The following KIR3DL3 variants were observed in gnomAD, a reference collection of about 807,000 sequenced individuals.
The protein encoded by KIR3DL3 is killer cell immunoglobulin like receptor, three Ig domains and long cytoplasmic tail 3, also known as killer cell immunoglobulin-like receptor 3DL3.
Under a neutral mutation model 34.9 loss-of-function variants are expected in KIR3DL3, and 27 were observed. The observed-to-expected ratio is 0.77, with a 90% CI of 0.57 to 1.07. KIR3DL3 has a LOEUF of 1.07. KIR3DL3 is among the 50% of genes least tolerant of loss of function. The probability of loss-of-function intolerance (pLI) is 0.00; values close to 1 mark genes in which losing one functional copy is unlikely to be tolerated. For synonymous variants in KIR3DL3, 217 were observed against 200.2 expected, an observed-to-expected ratio of 1.08 and a Z score of -0.71; for missense variants, 681 against 528.5, an observed-to-expected ratio of 1.29 and a Z score of -2.83.
Position 54,727,893 on chromosome 19 carries a change from T to G in KIR3DL3, c.638T>G (p.Leu213Arg). The change falls in exon 4 of 8, where the codon CTG becomes CGG. Residue 213 changes from leucine (L) to arginine (R), a missense_variant. Physicochemically the swap from Leu to Arg is moderately radical, Grantham distance 102 (BLOSUM62 -2). Transcript: ENST00000291860. Reference sequence around the variant, plus strand: ...GAGTTGTCGGCTCCCAGTGACCCTCTGGACATCGTGGTCGTAGGTGAGAGA... The same window carrying G: ...GAGTTGTCGGCTCCCAGTGACCCTCGGGACATCGTGGTCGTAGGTGAGAGA... ...PYELSAPSDPLDIVVVGLYGK... is the reference protein window; with the variant it reads ...PYELSAPSDPRDIVVVGLYGK... The G allele has an allele frequency of 6.2e-7, 1 of 1,611,280 alleles. No individual in the cohort carries two copies. The highest frequency in any genetic ancestry group is 8.5e-7 in the Non-Finnish European group (1 of 1,177,948).
At position 54,727,748 on chromosome 19, in the gene KIR3DL3, T is replaced by C. The variant is rs760317036; in HGVS notation, c.493T>C (p.Leu165=). ...LHREGITEDP[L]RLVGQLHDAG... ...CAGAGAGGGGATCACTGAGGACCCCTTGCGCCTCGTTGGACAGCTCCACGA... is the reference window on the plus strand; with the variant it reads ...CAGAGAGGGGATCACTGAGGACCCCCTGCGCCTCGTTGGACAGCTCCACGA... Residue 165 remains leucine (L), a synonymous_variant, in exon 4 of 8, where the codon TTG becomes CTG. Coordinates refer to ENST00000291860, the MANE Select transcript of KIR3DL3 (RefSeq NM_153443.5). The C allele has an allele frequency of 1.1e-4, 183 of 1,612,856 alleles. No individual in the cohort carries two copies. The highest frequency in any genetic ancestry group is 1.5e-4 in the Non-Finnish European group (173 of 1,179,734).
intron 5 of KIR3DL3, among the ~76,000 whole-genome samples, chr19:54,734,863 G>T (rs1162735892): frequency 2.4e-5 from 3 of 125,490 alleles, no homozygotes; most frequent in African/African-American, 9.6e-5. Flanking sequence ...GAGCGATGGA[G>T]CTTCCAAGCT....
chr19:54,725,734 G>A (rs1411330226), intron 2 of KIR3DL3, among the ~76,000 whole-genome samples: 1 of 152,136 alleles, frequency 6.6e-6, no homozygotes, highest in African/African-American at 2.4e-5. Context: ...TTCTAATAGG[G>A]GCTCAGTTGT....
At chr19:54,735,788 C>G (rs756500958) in intron 6 of KIR3DL3, 32 bp from the exon 7 acceptor site, 3 of 1,606,696 alleles carry the variant, frequency 1.9e-6, no homozygotes, top group Admixed American at 1.7e-5. Flanking sequence ...AAGTGCCCTC[C>G]GAGCTGTTTT....
Position 54,735,800 on chromosome 19 carries a change from A to G in KIR3DL3, c.1055-20A>G. 1 of 1,606,390 alleles carries G rather than the reference A, an allele frequency of 6.2e-7. No individual in the cohort carries two copies. The highest frequency in any genetic ancestry group is 8.5e-7 in the Non-Finnish European group (1 of 1,177,594). On this transcript the variant is annotated intron_variant, in intron 6 of 7. Coordinates refer to ENST00000291860, the MANE Select transcript of KIR3DL3 (RefSeq NM_153443.5). ...CAGAAGTGCCCTCCGAGCTGTTTTG[A>G]CGACTTCCGTCTTCTACAGATGCTG...
Position 54,724,642 on chromosome 19 carries a change from G to A in KIR3DL3, c.34+112G>A, listed in dbSNP as rs1568801245. 5 of 1,561,634 alleles carry A rather than the reference G, an allele frequency of 3.2e-6. No homozygotes were observed. In the South Asian group the frequency reaches 3.4e-5, roughly 10 times the overall value. On this transcript the variant is annotated intron_variant, in intron 1 of 7. Transcript: ENST00000291860. ...GGGCCTGGAGTGGAGATATAGGCCT[G>A]GAGTGGAGATATGGGCCTGGGGTGG...
At chr19:54,724,569 G>A (rs2067903661) in intron 1 of KIR3DL3, 39 bp downstream of exon 1, 4 of 835,574 alleles carry the variant, frequency 4.8e-6, no homozygotes, top group East Asian at 6.9e-5. Context: ...GAGCGCTGGG[G>A]TGGAGATCTG....
chr19:54,729,740 C>T lies in KIR3DL3; in HGVS notation c.903C>T (p.Pro301=). The change falls in exon 5 of 8, where the codon CCC becomes CCT. Residue 301 remains proline (P), a synonymous_variant. Transcript: ENST00000291860. ...YRCFGSFRAL[P]HAWSDPSDPL... ...GCTTCGGCTCTTTCCGTGCCCTGCC[C>T]CATGCGTGGTCAGACCCGAGTGACC... 3 of 1,587,012 alleles carry T rather than the reference C, an allele frequency of 1.9e-6. No homozygotes were observed. The highest frequency in any genetic ancestry group is 2.6e-6 in the Non-Finnish European group (3 of 1,170,524).
At chr19:54,730,364 G>A (rs1445846470) in intron 5 of KIR3DL3, among the ~76,000 whole-genome samples, 7 of 149,570 alleles carry the variant, frequency 4.7e-5, no homozygotes, top group African/African-American at 1.7e-4. Flanking sequence ...GACCACCCTG[G>A]CCAACATGGG....
rs113225082 is a variant in KIR3DL3, at chr19:54,735,362, G to A, written c.1054+5G>A. ...GCTGGTGTGCCAACAAAAAGAGTAA[G>A]TCTCACGAAGCAGAAGCCAGAGAGC... On this transcript the variant is annotated splice_donor_5th_base_variant and intron_variant, in intron 6 of 7. Coordinates refer to ENST00000291860, the MANE Select transcript of KIR3DL3 (RefSeq NM_153443.5). 6.2e-6 allele frequency: 8 copies of A among 1,298,354 alleles called. No homozygotes were observed. The South Asian group carries it at 8.4e-5, about 14-fold the overall frequency. 80.4% of individuals were successfully genotyped at this position (1,298,354 alleles called of 1,614,324 possible). A position where few individuals can be genotyped will look rare whatever the true frequency, so the allele number is the denominator to read the frequency against.
intron 5 of KIR3DL3, 58 bp downstream of exon 5, chr19:54,729,844 C>T: frequency 4.6e-6 from 7 of 1,510,452 alleles, no homozygotes; most frequent in Non-Finnish European, 6.2e-6. Context: ...AGCTGAGGAG[C>T]TTCCTGCTGA....
intron 5 of KIR3DL3, among the ~76,000 whole-genome samples, chr19:54,732,138 G>T (rs1372087908): frequency 6.6e-6 from 1 of 152,170 alleles, no homozygotes; most frequent in Non-Finnish European, 1.5e-5. Context: ...TGATATTGCA[G>T]ATGGGTAAAT....
rs1208648155 is a variant in KIR3DL3, at chr19:54,734,747, C to T, written c.950-506C>T. ...GGAAGCATGGCACCAGCATCTATTT[C>T]TTGTGACGGCCTCAGGCTGCTCCCA... On this transcript the variant is annotated intron_variant, in intron 5 of 7. Coordinates refer to ENST00000291860, the MANE Select transcript of KIR3DL3 (RefSeq NM_153443.5). 2.7e-5 allele frequency among the ~76,000 whole-genome samples: 4 copies of T among 146,968 alleles called. No homozygotes were observed. The East Asian group carries it at 7.8e-4, about 29-fold the overall frequency.
chr19:54,734,681 GAC>G (rs1403778581), intron 5 of KIR3DL3, among the ~76,000 whole-genome samples: 1 of 100,710 alleles, frequency 9.9e-6, no homozygotes, highest in Non-Finnish European at 2.3e-5. Flanking sequence ...AACTTCTAAA[GAC>G]AAGAAATGTG....
intron 5 of KIR3DL3, among the ~76,000 whole-genome samples, chr19:54,731,301 C>A (rs1247911671): frequency 3.9e-5 from 6 of 151,936 alleles, no homozygotes; most frequent in Admixed American, 3.9e-4. Context: ...CCACTGTGCC[C>A]GACCTCATTT....
At chr19:54,726,018 C>T (rs1188635084) in intron 2 of KIR3DL3, 35 bp from the exon 3 acceptor site, 132 of 1,499,340 alleles carry the variant, frequency 8.8e-5, no homozygotes, top group Middle Eastern at 5.4e-4. Context: ...GGCTCCACAT[C>T]CTCCTCTCTA....
chr19:54,733,672 T>C (rs2069087366), intron 5 of KIR3DL3, among the ~76,000 whole-genome samples: 1 of 152,252 alleles, frequency 6.6e-6, no homozygotes, highest in Non-Finnish European at 1.5e-5. Context: ...CTTCCTTATT[T>C]GGCTTTCTGT....
intron 2 of KIR3DL3, among the ~76,000 whole-genome samples, chr19:54,725,549 T>C (rs2068072349): frequency 1.3e-5 from 2 of 152,016 alleles, no homozygotes; most frequent in African/African-American, 4.8e-5. Context: ...AGGGAGGAAG[T>C]GGTGTCACCG....
intron 3 of KIR3DL3, among the ~76,000 whole-genome samples, chr19:54,727,135 C>A (rs2068269719): frequency 7.3e-6 from 1 of 136,334 alleles, no homozygotes; most frequent in East Asian, 2.1e-4. Context: ...CCTATGGAAG[C>A]TGGGGCCATG....
Sources: allele counts gnomAD v4.1 joint callset (sites outside exome capture counted in the v4.1 genomes callset), GRCh38; gene constraint gnomAD v4.1.1; transcripts MANE v1.5; gene names NCBI Gene and HGNC (gene_info 2026-07-23, HGNC 2026-07-21).